Variants in JPH3 observed in about 807,000 individuals in gnomAD.
JPH3 encodes junctophilin-3.
Under a neutral mutation model 59.6 loss-of-function variants are expected in JPH3, and 11 were observed. The observed-to-expected ratio is 0.18, with a 90% CI of 0.12 to 0.31. The LOEUF is 0.31. JPH3 is among the 10% of genes least tolerant of loss of function. The probability of loss-of-function intolerance (pLI) is 1.00; values close to 1 mark genes in which losing one functional copy is unlikely to be tolerated. For synonymous variants in JPH3, 673 were observed against 483.6 expected (o/e 1.39, Z -5.14); for missense variants, 1,202 against 1,105.7 (o/e 1.09, Z -1.24).
intron 2 of JPH3, among the ~76,000 whole-genome samples, chr16:87,670,753 G>A (rs1400114520): frequency 1.3e-5 from 2 of 152,258 alleles, no homozygotes; most frequent in Non-Finnish European, 2.9e-5. Context: ...GGCCTACGCA[G>A]GGGCCTGCCC....
At chr16:87,683,654 T>C (rs2033348508) in intron 2 of JPH3, among the ~76,000 whole-genome samples, 1 of 151,640 alleles carries the variant, frequency 6.6e-6, no homozygotes, top group Non-Finnish European at 1.5e-5. Flanking sequence ...TTACCCAAGC[T>C]GGAGTGCAGT....
At chr16:87,635,823 G>A (rs1341224939) in intron 1 of JPH3, among the ~76,000 whole-genome samples, 1 of 152,200 alleles carries the variant, frequency 6.6e-6, no homozygotes, top group Non-Finnish European at 1.5e-5. Context: ...ATCGGTGGGT[G>A]AGGTGGCTGC....
chr16:87,639,830 G>A (rs1220315114), intron 1 of JPH3, among the ~76,000 whole-genome samples: 1 of 152,228 alleles, frequency 6.6e-6, no homozygotes, highest in African/African-American at 2.4e-5. Flanking sequence ...GGAAGCAGCA[G>A]GTGCCCGGCT....
intron 3 of JPH3, among the ~76,000 whole-genome samples, chr16:87,685,628 G>A (rs201630507): frequency 2.0e-5 from 3 of 152,262 alleles, no homozygotes; most frequent in South Asian, 2.1e-4. Flanking sequence ...AGCCAGTGCC[G>A]TCGGGGGCAC....
intron 4 of JPH3, chr16:87,696,248 A>T: frequency 1.8e-5 from 8 of 451,158 alleles, no homozygotes; most frequent in South Asian, 1.2e-4. Flanking sequence ...ACGCACCGAG[A>T]CGTTTGCTTG....
chr16:87,691,112 G>A (rs1209702344), intron 4 of JPH3, among the ~76,000 whole-genome samples: 1 of 145,434 alleles, frequency 6.9e-6, no homozygotes, highest in African/African-American at 2.5e-5. Flanking sequence ...CGTTCCTCCA[G>A]GGCAGGCAGC....
At chr16:87,633,840 G>T (rs143220796) in intron 1 of JPH3, among the ~76,000 whole-genome samples, 1 of 152,022 alleles carries the variant, frequency 6.6e-6, no homozygotes, top group South Asian at 2.1e-4. Context: ...CGATGTAGGG[G>T]ACATGGTCTC....
At chr16:87,656,194 G>A (rs1210807368) in intron 2 of JPH3, among the ~76,000 whole-genome samples, 1 of 152,238 alleles carries the variant, frequency 6.6e-6, no homozygotes, top group Non-Finnish European at 1.5e-5. Context: ...TGTTGCAGGT[G>A]CCGTGACACC....
intron 1 of JPH3, among the ~76,000 whole-genome samples, chr16:87,621,625 G>C (rs566644838): frequency 7.9e-5 from 12 of 152,356 alleles, no homozygotes; most frequent in African/African-American, 2.9e-4. Context: ...GTCTCAGACG[G>C]TGGATGCAGG....
intron 4 of JPH3, 86 bp downstream of exon 4, chr16:87,690,612 G>A (rs2033544208): frequency 1.5e-6 from 2 of 1,329,374 alleles, no homozygotes; most frequent in Middle Eastern, 1.9e-4. Flanking sequence ...TTTCCAGCAA[G>A]GTCACTGCTC....
intron 2 of JPH3, among the ~76,000 whole-genome samples, chr16:87,664,770 C>A (rs1282438812): frequency 6.6e-6 from 1 of 152,054 alleles, no homozygotes; most frequent in African/African-American, 2.4e-5. Flanking sequence ...GGTGTATGAC[C>A]CACAGCTCAC....
intron 1 of JPH3, among the ~76,000 whole-genome samples, chr16:87,618,739 G>A (rs896783008): frequency 3.9e-5 from 6 of 152,120 alleles, no homozygotes; most frequent in South Asian, 2.1e-4. Context: ...GGTGCTTGTC[G>A]GCCCATTGGT....
chr16:87,694,181 C>T (rs1250488259), intron 4 of JPH3: 2 of 152,618 alleles, frequency 1.3e-5, no homozygotes, highest in Non-Finnish European at 2.9e-5. Flanking sequence ...GCAGCTTGCT[C>T]AAGGCACAGG....
At chr16:87,686,226 C>T (rs1045848073) in intron 3 of JPH3, among the ~76,000 whole-genome samples, 2 of 152,102 alleles carry the variant, frequency 1.3e-5, no homozygotes, top group Admixed American at 1.3e-4. Context: ...GGTGCAGGCT[C>T]CCCCACCCTG....
chr16:87,677,226 A>ACACACACAC (rs1491554199), intron 2 of JPH3, among the ~76,000 whole-genome samples: 22 of 88,072 alleles, frequency 2.5e-4, no homozygotes, highest in East Asian at 7.3e-4. Context: ...ACACACACAC[A>ACACACACAC]AAAAAAAAAA....
intron 1 of JPH3, among the ~76,000 whole-genome samples, chr16:87,621,426 A>G (rs1314605286): frequency 6.6e-6 from 1 of 152,184 alleles, no homozygotes; most frequent in Non-Finnish European, 1.5e-5. Context: ...CCTGGTTCTG[A>G]GCCCTGTGAA....
Position 87,687,076 on chromosome 16 carries a change from A to T in JPH3, c.1286-2570A>T, listed in dbSNP as rs113998471. 8.2e-4 allele frequency among the ~76,000 whole-genome samples: 125 copies of T among 152,282 alleles called. 1 individual carries two copies. Among genetic ancestry groups the T allele is most frequent in the African/African-American group, 3.0e-3 (125 of 41,558 alleles). Reference sequence around the variant, plus strand: ...GTTTTTTACAAGCGCTGGGACTGGCATGAGATTTGATCCAAGCATTTCTTG... The same window carrying T: ...GTTTTTTACAAGCGCTGGGACTGGCTTGAGATTTGATCCAAGCATTTCTTG... On this transcript the variant is annotated intron_variant, in intron 3 of 4. Coordinates refer to ENST00000284262, the MANE Select transcript of JPH3 (RefSeq NM_020655.4).
chr16:87,606,523 A>T lies in JPH3; in HGVS notation c.382+2995A>T, dbSNP rs143147915. On this transcript the variant is annotated intron_variant, in intron 1 of 4. Transcript: ENST00000284262. ...TACAGGCACACTTGCTTCCAGTCAC[A>T]ACCCCAGCTTGCATCCTGGGCTTGA... Among the ~76,000 whole-genome samples the T allele has an allele frequency of 3.8e-3, 577 of 152,206 alleles. 2 individuals carry two copies. Among genetic ancestry groups the T allele is most frequent in the African/African-American group, 0.013 (532 of 41,500 alleles).
At chr16:87,639,901 C>G (rs1300673649) in intron 1 of JPH3, among the ~76,000 whole-genome samples, 1 of 152,226 alleles carries the variant, frequency 6.6e-6, no homozygotes, top group Non-Finnish European at 1.5e-5. Context: ...TCATTTTATC[C>G]CCGATGCCTT....
Sources: gnomAD v4.1 joint callset for allele counts (sites outside exome capture counted in the v4.1 genomes callset) on GRCh38, gnomAD v4.1.1 for gene constraint, MANE v1.5 for transcripts, NCBI Gene and HGNC (gene_info 2026-07-23, HGNC 2026-07-21) for gene names.